Variants in PCDH9 observed in about 807,000 individuals in gnomAD.
PCDH9 encodes protocadherin 9.
PCDH9 carries 24 observed loss-of-function variants against 70.6 expected under a neutral mutation model. The observed-to-expected ratio is 0.34, with a 90% CI of 0.25 to 0.48. PCDH9 has a LOEUF of 0.48. PCDH9 is among the 20% of genes least tolerant of loss of function. The probability of loss-of-function intolerance (pLI) is 0.99; values close to 1 mark genes in which losing one functional copy is unlikely to be tolerated. For missense variants in PCDH9, 1,281 were observed against 1,503.6 expected (o/e 0.85, Z 2.45); for synonymous variants, 562 against 558.5 (o/e 1.01, Z -0.09).
intron 4 of PCDH9, chr13:66,323,149 T>C (rs1955784226): frequency 1.3e-5 from 2 of 152,016 alleles, no homozygotes; most frequent in Non-Finnish European, 1.5e-5. Context: ...ATACCTAAAA[T>C]CCTTGGTCTC....
chr13:66,839,523 T>C (rs552329724), intron 3 of PCDH9, among the ~76,000 whole-genome samples: 12 of 152,374 alleles, frequency 7.9e-5, no homozygotes, highest in African/African-American at 2.9e-4. Context: ...CGATGGGTAC[T>C]TGCAGTGGCC....
In PCDH9 at chr13:67,013,765, G is replaced by A. The variant is rs555987993; in HGVS notation, c.3037-110160C>T. Among the ~76,000 whole-genome samples the A allele has an allele frequency of 6.8e-4, 103 of 151,680 alleles. 1 individual carries two copies. The highest frequency in any genetic ancestry group is 3.4e-3 in the Middle Eastern group (1 of 292). The stretch of plus-strand genomic sequence containing the variant: ...TTAAATAGGAAAAATACAATGTCCC[G>A]TATAAAAACAATTCTATATTTGAGA... On this transcript the variant is annotated intron_variant, in intron 2 of 4. Transcript: ENST00000377865.
At chr13:66,835,890 T>C (rs77541343) in intron 3 of PCDH9, among the ~76,000 whole-genome samples, 2,446 of 152,150 alleles carry the variant, frequency 0.016, 78 homozygotes, top group African/African-American at 0.055. Context: ...AAAGCAAGCA[T>C]GAAAAAAACT....
At chr13:66,579,626 A>T (rs1323494443) in intron 4 of PCDH9, among the ~76,000 whole-genome samples, 2 of 152,192 alleles carry the variant, frequency 1.3e-5, no homozygotes, top group East Asian at 3.9e-4. Flanking sequence ...TTATAGTAAA[A>T]AATGGTCATA....
intron 2 of PCDH9, among the ~76,000 whole-genome samples, chr13:67,003,304 A>G (rs1258857735): frequency 2.0e-5 from 3 of 152,182 alleles, no homozygotes; most frequent in Admixed American, 6.5e-5. Flanking sequence ...TTTGATTACT[A>G]AAAAGCCATT....
At chr13:66,940,251 T>C (rs2082985784) in intron 2 of PCDH9, among the ~76,000 whole-genome samples, 1 of 152,188 alleles carries the variant, frequency 6.6e-6, no homozygotes, top group African/African-American at 2.4e-5. Flanking sequence ...TATACAACTG[T>C]TTCCTAACAC....
intron 2 of PCDH9, among the ~76,000 whole-genome samples, chr13:67,130,569 G>C (rs1028163787): frequency 6.6e-6 from 1 of 152,068 alleles, no homozygotes; most frequent in African/African-American, 2.4e-5. Context: ...CCTGACCACA[G>C]GGTGGACAAA....
At chr13:66,970,339 G>T (rs1222909826) in intron 2 of PCDH9, among the ~76,000 whole-genome samples, 1 of 151,826 alleles carries the variant, frequency 6.6e-6, no homozygotes, top group Non-Finnish European at 1.5e-5. Context: ...GAAAAAAATA[G>T]AGTTAAAGTC....
Position 66,549,336 on chromosome 13 carries a change from G to A in PCDH9, c.3340+81874C>T, listed in dbSNP as rs142439002. Among the ~76,000 whole-genome samples the A allele has an allele frequency of 5.6e-3, 857 of 152,110 alleles. 13 individuals are homozygous for A. The highest frequency in any genetic ancestry group is 0.019 in the African/African-American group (808 of 41,510). ...TCAAATAGCTTGCTTTATGATGGTA[G>A]AATTGCTTTTACTTTTGTGATTTTT... On this transcript the variant is annotated intron_variant, in intron 4 of 4. Transcript: ENST00000377865.
intron 3 of PCDH9, among the ~76,000 whole-genome samples, chr13:66,781,620 T>C (rs954953610): frequency 1.3e-5 from 2 of 152,202 alleles, no homozygotes; most frequent in African/African-American, 4.8e-5. Flanking sequence ...TATATGATCT[T>C]GCATTCTTAC....
intron 2 of PCDH9, among the ~76,000 whole-genome samples, chr13:67,119,361 GA>G (rs2086836387): frequency 6.6e-6 from 1 of 152,010 alleles, no homozygotes. Flanking sequence ...TCTTCATCAT[GA>G]AAACTACCAC....
intron 3 of PCDH9, among the ~76,000 whole-genome samples, chr13:66,749,611 T>C (rs934755261): frequency 1.3e-5 from 2 of 152,218 alleles, no homozygotes; most frequent in Non-Finnish European, 2.9e-5. Flanking sequence ...TTCCCATTCC[T>C]ACCAGCTCGA....
intron 4 of PCDH9, among the ~76,000 whole-genome samples, chr13:66,565,707 C>T (rs1456454901): frequency 1.3e-5 from 2 of 152,088 alleles, no homozygotes; most frequent in Non-Finnish European, 2.9e-5. Flanking sequence ...TGGATAAAAC[C>T]TTATGGCCAG....
intron 2 of PCDH9, chr13:67,203,454 T>C (rs1241461094): frequency 5.3e-5 from 8 of 152,092 alleles, no homozygotes; most frequent in African/African-American, 1.7e-4. Context: ...TTGACCCTTT[T>C]GGCTTTAAAA....
intron 2 of PCDH9, among the ~76,000 whole-genome samples, chr13:67,081,826 C>T (rs2085989358): frequency 6.6e-6 from 1 of 152,090 alleles, no homozygotes; most frequent in South Asian, 2.1e-4. Flanking sequence ...TTCCTAGAGA[C>T]TGACTGGCAA....
At chr13:67,047,848 C>G (rs2085251954) in intron 2 of PCDH9, among the ~76,000 whole-genome samples, 1 of 152,150 alleles carries the variant, frequency 6.6e-6, no homozygotes, top group Admixed American at 6.6e-5. Flanking sequence ...TAAGGACCCA[C>G]ATGAATATTT....
intron 3 of PCDH9, among the ~76,000 whole-genome samples, chr13:66,863,789 T>C (rs1351414691): frequency 6.6e-6 from 1 of 152,076 alleles, no homozygotes; most frequent in Non-Finnish European, 1.5e-5. Context: ...TTATGAACTG[T>C]GACATGCAAA....
chr13:66,690,430 A>G (rs1034988076), intron 3 of PCDH9, among the ~76,000 whole-genome samples: 1 of 152,144 alleles, frequency 6.6e-6, no homozygotes, highest in Admixed American at 6.6e-5. Flanking sequence ...TACAAATGTA[A>G]CCTATACAAA....
At chr13:66,646,404 A>G (rs1209982418) in intron 3 of PCDH9, among the ~76,000 whole-genome samples, 5 of 152,218 alleles carry the variant, frequency 3.3e-5, no homozygotes, top group Admixed American at 6.5e-5. Flanking sequence ...TAGAAATATA[A>G]ATTTCTAAAA....
Sources: gnomAD v4.1 joint callset for allele counts (sites outside exome capture counted in the v4.1 genomes callset) on GRCh38, gnomAD v4.1.1 for gene constraint, MANE v1.5 for transcripts, NCBI Gene and HGNC (gene_info 2026-07-23, HGNC 2026-07-21) for gene names.